The following TXNDC16 variants were observed in gnomAD, a reference collection of about 807,000 sequenced individuals.
TXNDC16 encodes the protein thioredoxin domain-containing protein 16.
A neutral mutation model predicts 85.6 loss-of-function variants in TXNDC16; 74 were observed. That is an observed-to-expected ratio of 0.86 (90% CI 0.72 to 1.05). TXNDC16 has a LOEUF of 1.05. TXNDC16 is among the 50% of genes least tolerant of loss of function. TXNDC16 has a pLI of 0.00. For synonymous variants in TXNDC16, 335 were observed against 326.5 expected (o/e 1.03, Z -0.28); for missense variants, 959 against 947.0 (o/e 1.01, Z -0.17).
chr14:52,459,744 A>G (rs2035611765), intron 16 of TXNDC16, among the ~76,000 whole-genome samples: 1 of 152,212 alleles, frequency 6.6e-6, no homozygotes, highest in South Asian at 2.1e-4. Flanking sequence ...CATCCCTGGG[A>G]TGCAAGGTTA....
chr14:52,503,533 T>C (rs2036714185), intron 9 of TXNDC16, among the ~76,000 whole-genome samples: 1 of 151,980 alleles, frequency 6.6e-6, no homozygotes, highest in South Asian at 2.1e-4. Flanking sequence ...GAAGGAAAAC[T>C]AACAAACAAA....
At position 52,470,681 on chromosome 14, in the gene TXNDC16, C is replaced by T; in HGVS notation, c.1313-1G>A. On this transcript the variant is annotated splice_acceptor_variant, in intron 14 of 20. Transcript: ENST00000281741. LOFTEE classifies it high-confidence loss of function. ...CTAGTAAGAAGCATAGTAGATGTGC[C>T]TAAATAAAAGGAAAATGCACATTTG... 1 of 1,586,980 alleles carries T rather than the reference C, an allele frequency of 6.3e-7. No individual in the cohort carries two copies. Among genetic ancestry groups the T allele is most frequent in the Non-Finnish European group, 8.6e-7 (1 of 1,168,788 alleles).
intron 18 of TXNDC16, among the ~76,000 whole-genome samples, chr14:52,440,964 A>T (rs1056087787): frequency 1.3e-5 from 2 of 152,220 alleles, no homozygotes; most frequent in Non-Finnish European, 2.9e-5. Flanking sequence ...GAATAAATTA[A>T]TTTAAAGGAG....
chr14:52,511,475 T>C (rs936927020), intron 8 of TXNDC16, 85 bp from the exon 9 acceptor site: 2 of 844,614 alleles, frequency 2.4e-6, no homozygotes, highest in Non-Finnish European at 3.4e-6. Flanking sequence ...GAATTTTGTC[T>C]TAAGTCTCAT....
At chr14:52,489,232 C>T (rs1013457427) in intron 11 of TXNDC16, among the ~76,000 whole-genome samples, 3 of 152,060 alleles carry the variant, frequency 2.0e-5, no homozygotes, top group African/African-American at 4.8e-5. Context: ...TCCTGTTTAG[C>T]TATAAACAAC....
intron 1 of TXNDC16, among the ~76,000 whole-genome samples, chr14:52,545,705 G>A (rs78329249): frequency 0.086 from 13,113 of 152,184 alleles, 622 homozygotes; most frequent in East Asian, 0.14. Flanking sequence ...CAAACAGTGA[G>A]CAGTTGAAAG....
intron 9 of TXNDC16, among the ~76,000 whole-genome samples, chr14:52,509,360 G>A (rs2036898067): frequency 6.6e-6 from 1 of 151,990 alleles, no homozygotes; most frequent in African/African-American, 2.4e-5. Flanking sequence ...GAACCTGGAG[G>A]GAAATAGTGA....
rs2035872545 is a variant in TXNDC16, at chr14:52,470,186, A to G, written c.1482-13T>C. 1 of 1,567,430 alleles carries G rather than the reference A, an allele frequency of 6.4e-7. No homozygotes were observed. Among genetic ancestry groups the G allele is most frequent in the Non-Finnish European group, 8.6e-7 (1 of 1,156,846 alleles). ...TGAAATCCTGTTGCTGGATAAACATATAACTATATTACAAATTAATTTTTT... is the reference window on the plus strand; with the variant it reads ...TGAAATCCTGTTGCTGGATAAACATGTAACTATATTACAAATTAATTTTTT... On this transcript the variant is annotated splice_polypyrimidine_tract_variant and intron_variant, in intron 15 of 20. Coordinates refer to ENST00000281741, the MANE Select transcript of TXNDC16 (RefSeq NM_020784.3).
At chr14:52,503,312 G>A (rs2036707801) in intron 9 of TXNDC16, among the ~76,000 whole-genome samples, 1 of 152,220 alleles carries the variant, frequency 6.6e-6, no homozygotes, top group South Asian at 2.1e-4. Context: ...GCCTCACTGG[G>A]AGGTACCCCC....
rs139584992 is a variant in TXNDC16, at chr14:52,547,603, T to G, written c.-181-3232A>C. Among the ~76,000 whole-genome samples the G allele has an allele frequency of 1.5e-3, 234 of 152,340 alleles. 1 individual carries two copies. The highest frequency in any genetic ancestry group is 2.7e-3 in the Non-Finnish European group (185 of 68,022). ...CTAGCAACAACTGCCTAGAGAGATT[T>G]CAACCGTAGATTGCTACAATCTAGA... On this transcript the variant is annotated intron_variant, in intron 1 of 20. Transcript: ENST00000281741.
chr14:52,536,566 G>A (rs1339118672), intron 6 of TXNDC16, among the ~76,000 whole-genome samples, 153 bp downstream of exon 6: 1 of 152,156 alleles, frequency 6.6e-6, no homozygotes, highest in African/African-American at 2.4e-5. Flanking sequence ...TTAGATCCTC[G>A]ATGTGGGAAG....
At chr14:52,463,475 G>GC (rs891580015) in intron 16 of TXNDC16, among the ~76,000 whole-genome samples, 1 of 152,132 alleles carries the variant, frequency 6.6e-6, no homozygotes, top group Non-Finnish European at 1.5e-5. Flanking sequence ...CGGCTGGGCA[G>GC]CCCCCCCAAA....
chr14:52,497,924 A>T (rs1169200374), intron 9 of TXNDC16, among the ~76,000 whole-genome samples: 1 of 151,460 alleles, frequency 6.6e-6, no homozygotes, highest in Non-Finnish European at 1.5e-5. Flanking sequence ...ATTCAGCAGC[A>T]CATTAAAAGG....
intron 14 of TXNDC16, among the ~76,000 whole-genome samples, chr14:52,479,297 C>T (rs2036090805): frequency 6.6e-6 from 1 of 152,040 alleles, no homozygotes; most frequent in South Asian, 2.1e-4. Context: ...CAACACAGTA[C>T]TGAAAGTCCT....
At chr14:52,530,615 A>G (rs12432309) in intron 6 of TXNDC16, among the ~76,000 whole-genome samples, 12 of 53,194 alleles carry the variant, frequency 2.3e-4, no homozygotes, top group Admixed American at 3.8e-4. Context: ...TAGTATATAT[A>G]TGTGTGTGTA....
intron 20 of TXNDC16, among the ~76,000 whole-genome samples, chr14:52,433,878 T>C (rs1326711652): frequency 6.6e-6 from 1 of 152,174 alleles, no homozygotes; most frequent in Admixed American, 6.5e-5. Context: ...TATTAAAGTA[T>C]CTGTAAGAGT....
chr14:52,489,556 A>G (rs1013511485), intron 11 of TXNDC16, among the ~76,000 whole-genome samples: 4 of 152,238 alleles, frequency 2.6e-5, no homozygotes, highest in African/African-American at 7.2e-5. Context: ...AAGTAGAGGA[A>G]TCAAAATCAA....
At chr14:52,505,023 A>G (rs2036759881) in intron 9 of TXNDC16, among the ~76,000 whole-genome samples, 1 of 152,258 alleles carries the variant, frequency 6.6e-6, no homozygotes, top group Admixed American at 6.5e-5. Flanking sequence ...AGAGCTAACT[A>G]TCGTAAATAT....
At chr14:52,551,754 T>C (rs559209223) in intron 1 of TXNDC16, among the ~76,000 whole-genome samples, 1 of 151,348 alleles carries the variant, frequency 6.6e-6, no homozygotes, top group Non-Finnish European at 1.5e-5. Flanking sequence ...AGCATGTATT[T>C]TCTCTCTCAG....
Sources: allele counts gnomAD v4.1 joint callset (sites outside exome capture counted in the v4.1 genomes callset), GRCh38; gene constraint gnomAD v4.1.1; transcripts MANE v1.5; gene names NCBI Gene and HGNC (gene_info 2026-07-23, HGNC 2026-07-21).